CAPN11: variants seen among roughly 807,000 people sequenced by gnomAD.
CAPN11 encodes calpain-11.
Under a neutral mutation model 105.3 loss-of-function variants are expected in CAPN11, and 108 were observed. That is an observed-to-expected ratio of 1.03 (90% CI 0.88 to 1.20). The LOEUF (loss-of-function observed/expected upper bound fraction) is 1.20. Among genes scored for constraint, CAPN11 ranks in the 50% most tolerant of loss-of-function variants. The pLI is 0.00. For synonymous variants in CAPN11, 329 were observed against 344.5 expected (o/e 0.96, Z 0.50); for missense variants, 883 against 924.8 (o/e 0.95, Z 0.59).
Position 44,184,021 on chromosome 6 carries a change from G to C in CAPN11, c.*89G>C. The C allele has an allele frequency of 7.0e-7, 1 of 1,426,254 alleles. No homozygotes were observed. Among genetic ancestry groups the C allele is most frequent in the South Asian group, 1.2e-5 (1 of 80,800 alleles). 88.3% of individuals were successfully genotyped at this position (1,426,254 alleles called of 1,614,324 possible). A position where few individuals can be genotyped will look rare whatever the true frequency, so the allele number is the denominator to read the frequency against. On this transcript the variant is annotated 3_prime_UTR_variant, in exon 23 of 23. Coordinates refer to ENST00000398776, the MANE Select transcript of CAPN11 (RefSeq NM_007058.4). ...GGTGGGGTGCTTCTTGTAGCCCTCA[G>C]CTCTCCGGTCTCTGCTGATGAAATG...
chr6:44,161,724 C>G, intron 1 of CAPN11: 1 of 453,296 alleles, frequency 2.2e-6, no homozygotes, highest in South Asian at 1.6e-5. Context: ...ACCTGAATTG[C>G]CTTGGCCTGC....
chr6:44,166,951 G>C (rs568875644), intron 2 of CAPN11, 122 bp downstream of exon 2: 5 of 590,578 alleles, frequency 8.5e-6, no homozygotes, highest in South Asian at 7.0e-5. Context: ...GGAGGGCGGC[G>C]GGGGGAGGGG....
At position 44,179,691 on chromosome 6, in the gene CAPN11, C is replaced by T. The variant is rs1232058631; in HGVS notation, c.1428+61C>T. 4 of 1,558,802 alleles carry T rather than the reference C, an allele frequency of 2.6e-6. No individual in the cohort carries two copies. The Admixed American group carries it at 6.7e-5, about 26-fold the overall frequency. ...CACATACCCACTCCACCCCTGGCTGCAAGTGGATTGGCAAAGGGTGGAATT... is the reference window on the plus strand; with the variant it reads ...CACATACCCACTCCACCCCTGGCTGTAAGTGGATTGGCAAAGGGTGGAATT... On this transcript the variant is annotated intron_variant, in intron 13 of 22. Transcript: ENST00000398776.
intron 1 of CAPN11, among the ~76,000 whole-genome samples, chr6:44,159,780 C>G (rs1768369589): frequency 6.6e-6 from 1 of 151,856 alleles, no homozygotes; most frequent in Non-Finnish European, 1.5e-5. Context: ...TTTCCCAGTG[C>G]CGGAAATCAA....
In CAPN11 at chr6:44,173,204, C is replaced by T; in HGVS notation, c.663-14C>T. ...CCATCCTAGAGCCCAACAGTGCCTTCTCTGTGCCCACAGGCTGAGTGGGTC... is the reference window on the plus strand; with the variant it reads ...CCATCCTAGAGCCCAACAGTGCCTTTTCTGTGCCCACAGGCTGAGTGGGTC... On this transcript the variant is annotated splice_polypyrimidine_tract_variant and intron_variant, in intron 6 of 22. Transcript: ENST00000398776. 1 of 1,613,600 alleles carries T rather than the reference C, an allele frequency of 6.2e-7. No individual in the cohort carries two copies. Among genetic ancestry groups the T allele is most frequent in the Non-Finnish European group, 8.5e-7 (1 of 1,179,598 alleles).
chr6:44,166,938 T>TGGGGTGGGG, intron 2 of CAPN11, 109 bp downstream of exon 2: 1 of 276,492 alleles, frequency 3.6e-6, no homozygotes, highest in Non-Finnish European at 7.2e-6. Context: ...TCATGTTGTG[T>TGGGGTGGGG]GGGGAGGGCG....
chr6:44,164,597 C>T (rs1406574610), intron 1 of CAPN11, among the ~76,000 whole-genome samples: 1 of 152,122 alleles, frequency 6.6e-6, no homozygotes, highest in Non-Finnish European at 1.5e-5. Flanking sequence ...GCGCGGACAC[C>T]ACAGGGGAGG....
At chr6:44,173,776 G>A (rs1480564203) in intron 7 of CAPN11, among the ~76,000 whole-genome samples, 1 of 151,840 alleles carries the variant, frequency 6.6e-6, no homozygotes, top group African/African-American at 2.4e-5. Flanking sequence ...TAGAGAAGGG[G>A]TTTTGTCATG....
chr6:44,182,009 CACA>C (rs1773676949), intron 19 of CAPN11, among the ~76,000 whole-genome samples: 1 of 86,970 alleles, frequency 1.1e-5, no homozygotes, highest in Admixed American at 1.1e-4. Flanking sequence ...CTCACACACA[CACA>C]TACACACTCA....
chr6:44,161,200 T>C (rs562876161), intron 1 of CAPN11, among the ~76,000 whole-genome samples: 1 of 151,686 alleles, frequency 6.6e-6, no homozygotes, highest in East Asian at 1.9e-4. Flanking sequence ...TTGGTGTTTT[T>C]GTTTGTTTGT....
In CAPN11 at chr6:44,183,921, A is replaced by C. The variant is rs756730480; in HGVS notation, c.2209A>C (p.Met737Leu). 12 of 1,555,938 alleles carry C rather than the reference A, an allele frequency of 7.7e-6. No individual in the cohort carries two copies. The East Asian group carries it at 2.9e-4, about 38-fold the overall frequency. ...LSLEQWLQMT[M>L]WG is the part of the protein sequence containing the mutation. ...GTCTCCACAGTGGCTGCAGATGACC[A>C]TGTGGGGATAGAGGCGCTGTAGGAG... is the stretch of plus-strand genomic sequence containing the variant. Residue 737 changes from methionine (M) to leucine (L), a missense_variant, in exon 23 of 23, where the codon ATG (methionine) becomes CTG (leucine). Physicochemically the swap from Met to Leu is conservative, Grantham distance 15. Transcript: ENST00000398776.
chr6:44,176,718 C>T, intron 10 of CAPN11, 63 bp downstream of exon 10: 2 of 1,560,348 alleles, frequency 1.3e-6, no homozygotes, highest in Non-Finnish European at 1.7e-6. Context: ...CATCTCCCTG[C>T]TCCGCTCCTC....
chr6:44,177,024 G>A, intron 11 of CAPN11, 26 bp downstream of exon 11: 1 of 1,606,610 alleles, frequency 6.2e-7, no homozygotes, highest in Non-Finnish European at 8.5e-7. Flanking sequence ...GAGGGGAGGG[G>A]GTGTGCAGGG....
At position 44,182,934 on chromosome 6, in the gene CAPN11, T is replaced by C. The variant is rs1171880770; in HGVS notation, c.1939-7T>C. ...TGTGGCCCTACCATATCTGTCTGTC[T>C]CTTCAGGACATCTTCAGAGAGTGTG... is the stretch of plus-strand genomic sequence containing the variant. On this transcript the variant is annotated splice_region_variant and splice_polypyrimidine_tract_variant and intron_variant, in intron 19 of 22. Coordinates refer to ENST00000398776, the MANE Select transcript of CAPN11 (RefSeq NM_007058.4). 1.9e-6 allele frequency: 3 copies of C among 1,600,470 alleles called. No homozygotes were observed. The highest frequency in any genetic ancestry group is 1.3e-5 in the African/African-American group (1 of 74,802).
chr6:44,175,612 C>CAT (rs1446105881), intron 7 of CAPN11, among the ~76,000 whole-genome samples: 2 of 152,010 alleles, frequency 1.3e-5, no homozygotes, highest in East Asian at 3.9e-4. Flanking sequence ...CCCATCTATA[C>CAT]TAAAAATACA....
In CAPN11 at chr6:44,176,110, C is replaced by T; in HGVS notation, c.874C>T (p.Leu292=). The T allele has an allele frequency of 1.9e-6, 3 of 1,613,226 alleles. No individual in the cohort carries two copies. The highest frequency in any genetic ancestry group is 1.7e-6 in the Non-Finnish European group (2 of 1,179,512). Residue 292 remains leucine, a synonymous_variant, in exon 8 of 23, where the codon CTG becomes TTG. Transcript: ENST00000398776. ...SELESMTDKM[L]VRGHAYSVTG... is the part of the protein sequence containing the mutation. ...ACTGGAATCCATGACTGACAAGATG[C>T]TGGTGAGAGGGCACGCTTACTCTGT...
At chr6:44,164,665 G>A (rs924456817) in intron 1 of CAPN11, among the ~76,000 whole-genome samples, 3 of 152,254 alleles carry the variant, frequency 2.0e-5, no homozygotes, top group East Asian at 3.9e-4. Flanking sequence ...ACTTTTCCCC[G>A]GTGGACCCAG....
At position 44,169,967 on chromosome 6, in the gene CAPN11, G is replaced by A. The variant is rs755910697; in HGVS notation, c.401G>A (p.Gly134Glu). ...DGISPTDICQ[G>E]ILGDCWLLAA... ...ATTTCTCCAACAGACATCTGCCAGG[G>A]GATCCTCGGTGAGTGGGGCACAGGA... The change falls in exon 4 of 23, where the codon GGG becomes GAG. Residue 134 changes from glycine to glutamate, a missense_variant. Transcript: ENST00000398776. The A allele has an allele frequency of 9.9e-6, 16 of 1,610,576 alleles. No homozygotes were observed. The South Asian group carries it at 1.3e-4, about 13-fold the overall frequency.
At chr6:44,160,207 A>G (rs1431878903) in intron 1 of CAPN11, among the ~76,000 whole-genome samples, 3 of 152,256 alleles carry the variant, frequency 2.0e-5, no homozygotes, top group South Asian at 2.1e-4. Flanking sequence ...TATGTGCAGT[A>G]ATGCAGATAT....
Sources: gnomAD v4.1 joint callset for allele counts (sites outside exome capture counted in the v4.1 genomes callset) on GRCh38, gnomAD v4.1.1 for gene constraint, MANE v1.5 for transcripts, NCBI Gene and HGNC (gene_info 2026-07-23, HGNC 2026-07-21) for gene names.